Variants in KCNQ3 observed in about 807,000 individuals in gnomAD.
KCNQ3 encodes the protein potassium voltage-gated channel subfamily Q member 3, also known as potassium voltage-gated channel subfamily KQT member 3.
A neutral mutation model predicts 92.5 loss-of-function variants in KCNQ3; 30 were observed. That is an observed-to-expected ratio of 0.32 (90% CI 0.24 to 0.44). The LOEUF is 0.44. KCNQ3 is among the 20% of genes least tolerant of loss of function. The probability of loss-of-function intolerance (pLI) is 1.00; values close to 1 mark genes in which losing one functional copy is unlikely to be tolerated. For synonymous variants in KCNQ3, 450 were observed against 468.8 expected (o/e 0.96, Z 0.52); for missense variants, 913 against 1,140.3 (o/e 0.80, Z 2.87).
chr8:132,456,530 T>C (rs765297683), intron 1 of KCNQ3, among the ~76,000 whole-genome samples: 47 of 152,250 alleles, frequency 3.1e-4, no homozygotes, highest in Non-Finnish European at 4.6e-4. Flanking sequence ...TTTGAAATGA[T>C]GTATGTGGGT....
intron 14 of KCNQ3, among the ~76,000 whole-genome samples, chr8:132,130,277 T>G (rs148378706): frequency 6.6e-6 from 1 of 152,188 alleles, no homozygotes; most frequent in African/African-American, 2.4e-5. Context: ...AGACGGGGTT[T>G]CACAATCTTG....
intron 1 of KCNQ3, among the ~76,000 whole-genome samples, chr8:132,328,293 C>T (rs1420274022): frequency 6.6e-6 from 1 of 152,186 alleles, no homozygotes; most frequent in Non-Finnish European, 1.5e-5. Flanking sequence ...CAGGGGACAA[C>T]AACACCCCCA....
At chr8:132,393,884 A>G (rs1341346947) in intron 1 of KCNQ3, among the ~76,000 whole-genome samples, 1 of 152,178 alleles carries the variant, frequency 6.6e-6, no homozygotes, top group East Asian at 1.9e-4. Context: ...GAAAATGCAA[A>G]GTCATGCTGA....
At chr8:132,310,936 C>CTT in intron 1 of KCNQ3, among the ~76,000 whole-genome samples, 1 of 147,782 alleles carries the variant, frequency 6.8e-6, no homozygotes, top group Non-Finnish European at 1.5e-5. Flanking sequence ...CACCTTACGA[C>CTT]TTTTTTTTTT....
At position 132,297,333 on chromosome 8, in the gene KCNQ3, T is replaced by C. The variant is rs111938996; in HGVS notation, c.387-111152A>G. ...TAGGTTGCGAAAATTTTCTCCCATT[T>C]TGTAGGTTGCCTGTTCACTCTGATG... On this transcript the variant is annotated intron_variant, in intron 1 of 14. Coordinates refer to ENST00000388996, the MANE Select transcript of KCNQ3 (RefSeq NM_004519.4). Among the ~76,000 whole-genome samples, 1,208 of 152,164 alleles carry C rather than the reference T, an allele frequency of 7.9e-3. 16 individuals are homozygous for C. Among genetic ancestry groups the C allele is most frequent in the African/African-American group, 0.028 (1,155 of 41,526 alleles).
chr8:132,387,953 GAGAAGA>G lies in KCNQ3; in HGVS notation c.386+92188_386+92193del, dbSNP rs796693357. ...AGAGCAAGACCCTGTGAAGAAGAAG[GAGAAGA>G]AGAAGAAGAAGGAGGAGAAGAGGAA... On this transcript the variant is annotated intron_variant, in intron 1 of 14. Coordinates refer to ENST00000388996, the MANE Select transcript of KCNQ3 (RefSeq NM_004519.4). Among the ~76,000 whole-genome samples, 11 of 150,598 alleles carry G rather than the reference GAGAAGA, an allele frequency of 7.3e-5. No individual in the cohort carries two copies. In the East Asian group the frequency reaches 1.8e-3, roughly 24 times the overall value.
chr8:132,184,548 C>T (rs1826901074), intron 2 of KCNQ3, among the ~76,000 whole-genome samples, 181 bp from the exon 3 acceptor site: 1 of 152,142 alleles, frequency 6.6e-6, no homozygotes, highest in African/African-American at 2.4e-5. Context: ...CCATCACCGC[C>T]ATTCAGTTTG....
intron 1 of KCNQ3, among the ~76,000 whole-genome samples, chr8:132,231,053 A>G (rs1165017624): frequency 1.3e-5 from 2 of 152,206 alleles, no homozygotes; most frequent in Non-Finnish European, 2.9e-5. Context: ...GGAAGATTAT[A>G]TGAAGACACT....
chr8:132,271,136 C>T lies in KCNQ3; in HGVS notation c.387-84955G>A, dbSNP rs1292470461. 7.2e-5 allele frequency among the ~76,000 whole-genome samples: 11 copies of T among 152,346 alleles called. No homozygotes were observed. In the East Asian group the frequency reaches 1.9e-3, roughly 27 times the overall value. The stretch of plus-strand genomic sequence containing the variant: ...GGACAACCCCACTGCTGTCATGGAG[C>T]TCATGTTATTTCCATGAACCCCTTG... On this transcript the variant is annotated intron_variant, in intron 1 of 14. Coordinates refer to ENST00000388996, the MANE Select transcript of KCNQ3 (RefSeq NM_004519.4).
chr8:132,223,927 T>C (rs1327630486), intron 1 of KCNQ3, among the ~76,000 whole-genome samples: 2 of 152,034 alleles, frequency 1.3e-5, no homozygotes, highest in Non-Finnish European at 2.9e-5. Flanking sequence ...ACCAGGATCA[T>C]ATTTTTGAGA....
At chr8:132,372,816 C>T (rs895229781) in intron 1 of KCNQ3, among the ~76,000 whole-genome samples, 27 of 149,478 alleles carry the variant, frequency 1.8e-4, no homozygotes, top group Non-Finnish European at 1.9e-4. Context: ...GGGTAGGCCT[C>T]AGGTAAGCAT....
At chr8:132,172,446 G>A in intron 7 of KCNQ3, 152 bp downstream of exon 7, 1 of 693,018 alleles carries the variant, frequency 1.4e-6, no homozygotes, top group African/African-American at 1.8e-5. Context: ...AGACACACAA[G>A]ACACACAGAC....
chr8:132,162,698 TCCAAG>T (rs1826026634), intron 9 of KCNQ3, among the ~76,000 whole-genome samples: 1 of 152,188 alleles, frequency 6.6e-6, no homozygotes, highest in African/African-American at 2.4e-5. Context: ...AATTGTCTCT[TCCAAG>T]TGGGATTTTG....
At chr8:132,324,350 G>A (rs1298922100) in intron 1 of KCNQ3, among the ~76,000 whole-genome samples, 1 of 152,124 alleles carries the variant, frequency 6.6e-6, no homozygotes, top group African/African-American at 2.4e-5. Context: ...CTATTTATAT[G>A]CCTCTGCATC....
chr8:132,232,877 A>C (rs748325710), intron 1 of KCNQ3, among the ~76,000 whole-genome samples: 1 of 152,218 alleles, frequency 6.6e-6, no homozygotes, highest in Non-Finnish European at 1.5e-5. Context: ...AAAGGTCTCC[A>C]TATCTTTCTT....
At chr8:132,328,490 T>C (rs1461199838) in intron 1 of KCNQ3, among the ~76,000 whole-genome samples, 1 of 152,164 alleles carries the variant, frequency 6.6e-6, no homozygotes, top group Admixed American at 6.5e-5. Flanking sequence ...ACACTGACTC[T>C]GGACAGCTGG....
chr8:132,180,371 G>A, intron 3 of KCNQ3, 42 bp from the exon 4 acceptor site: 1 of 1,608,758 alleles, frequency 6.2e-7, no homozygotes, highest in East Asian at 2.2e-5. Context: ...AGAGGGAAAG[G>A]AAGGTCATGC....
At position 132,129,633 on chromosome 8, in the gene KCNQ3, T is replaced by C. The variant is rs776413259; in HGVS notation, c.2248A>G (p.Ile750Val). ...TYVERPTVLPILTLLDSRVSC... is the reference protein window; with the variant it reads ...TYVERPTVLPVLTLLDSRVSC... The stretch of plus-strand genomic sequence containing the variant: ...ACTCGGGAGTCGAGAAGAGTCAAGA[T>C]AGGCAGGACCGTGGGCCTCTCCACA... Residue 750 changes from isoleucine to valine, a missense_variant, in exon 15 of 15, where the codon ATC becomes GTC. Physicochemically the swap from Ile to Val is conservative, Grantham distance 29. Transcript: ENST00000388996. The surrounding 1 kb of genome is among the most constrained non-coding windows in gnomAD (Gnocchi z 5.9). The C allele has an allele frequency of 4.3e-6, 7 of 1,613,990 alleles. No homozygotes were observed. Among genetic ancestry groups the C allele is most frequent in the African/African-American group, 2.7e-5 (2 of 74,884 alleles).
chr8:132,397,311 G>A (rs1203936867), intron 1 of KCNQ3, among the ~76,000 whole-genome samples: 2 of 152,060 alleles, frequency 1.3e-5, no homozygotes, highest in Non-Finnish European at 2.9e-5. Context: ...GCTGGGAAAC[G>A]TGGTTATAGT....
Sources: allele counts gnomAD v4.1 joint callset (sites outside exome capture counted in the v4.1 genomes callset), GRCh38; gene constraint gnomAD v4.1.1; non-coding constraint Gnocchi (gnomAD v3.1); transcripts MANE v1.5; gene names NCBI Gene and HGNC (gene_info 2026-07-23, HGNC 2026-07-21).